C7: variants seen among roughly 807,000 people sequenced by gnomAD.
The protein encoded by C7 is complement component C7.
In C7, 83 loss-of-function variants were observed where a neutral mutation model predicts 104.8. The observed-to-expected ratio is 0.79, with a 90% CI of 0.66 to 0.95. C7 has a LOEUF of 0.95. Among genes scored for constraint, C7 ranks in the 40% least tolerant of loss-of-function variants. The pLI is 0.00. For missense variants in C7, 1,070 were observed against 1,011.2 expected, an observed-to-expected ratio of 1.06 and a Z score of -0.79; for synonymous variants, 415 against 360.6, an observed-to-expected ratio of 1.15 and a Z score of -1.71.
intron 2 of C7, among the ~76,000 whole-genome samples, chr5:40,930,241 T>A (rs931449663): frequency 2.0e-5 from 3 of 148,732 alleles, no homozygotes; most frequent in Non-Finnish European, 4.5e-5. Flanking sequence ...AGTCGCCCTC[T>A]GTCACCCAGG....
intron 2 of C7, among the ~76,000 whole-genome samples, chr5:40,930,393 A>G (rs1275559273): frequency 2.0e-5 from 3 of 151,424 alleles, no homozygotes; most frequent in African/African-American, 7.3e-5. Context: ...TTTAGTAGAG[A>G]CGGGGTTTCA....
chr5:40,917,758 T>C (rs1488910126), intron 1 of C7, among the ~76,000 whole-genome samples: 1 of 152,208 alleles, frequency 6.6e-6, no homozygotes, highest in African/African-American at 2.4e-5. Context: ...GCCTTCTCCA[T>C]GGTTCTTTCA....
At chr5:40,961,409 G>A (rs1162685807) in intron 12 of C7, among the ~76,000 whole-genome samples, 1 of 151,102 alleles carries the variant, frequency 6.6e-6, no homozygotes, top group Admixed American at 6.6e-5. Context: ...TTTTGAGATG[G>A]GGTCTCACTC....
At chr5:40,976,507 A>G (rs1740823174) in intron 15 of C7, among the ~76,000 whole-genome samples, 1 of 152,234 alleles carries the variant, frequency 6.6e-6, no homozygotes, top group African/African-American at 2.4e-5. Context: ...AAAGTGCATG[A>G]CAAATATAAA....
At chr5:40,935,086 T>G (rs1739784903) in intron 4 of C7, among the ~76,000 whole-genome samples, 1 of 152,210 alleles carries the variant, frequency 6.6e-6, no homozygotes, top group Non-Finnish European at 1.5e-5. Flanking sequence ...GAATAGTACA[T>G]AAATAATCCC....
intron 6 of C7, among the ~76,000 whole-genome samples, chr5:40,943,002 C>T (rs372068224): frequency 6.6e-6 from 1 of 152,044 alleles, no homozygotes; most frequent in East Asian, 1.9e-4. Context: ...GACCTTGTGA[C>T]CCGCCCACCT....
intron 13 of C7, among the ~76,000 whole-genome samples, chr5:40,963,613 G>T (rs2111679524): frequency 6.6e-6 from 1 of 152,230 alleles, no homozygotes; most frequent in South Asian, 2.1e-4. Flanking sequence ...GCTGGTCAAG[G>T]CCTGAGCTCC....
At chr5:40,976,078 T>G (rs10074026) in intron 15 of C7, among the ~76,000 whole-genome samples, 7,599 of 152,316 alleles carry the variant, frequency 0.05, 643 homozygotes, top group African/African-American at 0.17. Context: ...ATGACTGAAT[T>G]GTCAGTTTCT....
chr5:40,918,011 T>C (rs1198166797), intron 1 of C7, among the ~76,000 whole-genome samples: 1 of 152,200 alleles, frequency 6.6e-6, no homozygotes. Flanking sequence ...GTTGTGATTA[T>C]AAGATGTTCT....
At position 40,959,559 on chromosome 5, in the gene C7, T is replaced by A. The variant is rs769454744; in HGVS notation, c.1600T>A (p.Ser534Thr). The change falls in exon 12 of 18, where the codon TCC (serine) becomes ACC (threonine). Residue 534 changes from serine to threonine, a missense_variant. Coordinates refer to ENST00000313164, the MANE Select transcript of C7 (RefSeq NM_000587.4). ...NNPPPSGGGR[S>T]CVGETTESTQ... Reference sequence around the variant, plus strand: ...CCCACCTCCCAGTGGGGGTGGGAGATCCTGCGTTGGAGAAACGACAGAAAG... The same window carrying A: ...CCCACCTCCCAGTGGGGGTGGGAGAACCTGCGTTGGAGAAACGACAGAAAG... 5 of 1,610,546 alleles carry A rather than the reference T, an allele frequency of 3.1e-6. No individual in the cohort carries two copies. Among genetic ancestry groups the A allele is most frequent in the Non-Finnish European group, 3.4e-6 (4 of 1,178,918 alleles).
In C7 at chr5:40,961,990, G is replaced by T. The variant is rs934960677; in HGVS notation, c.1662-95G>T. On this transcript the variant is annotated intron_variant, in intron 12 of 17. Coordinates refer to ENST00000313164, the MANE Select transcript of C7 (RefSeq NM_000587.4). ...ACACCAATGTACTTAAATGAATGGA[G>T]TTCCTTCAGATACAAAGGAGAAATC... 1.3e-4 allele frequency: 69 copies of T among 530,910 alleles called. 1 individual carries two copies. The highest frequency in any genetic ancestry group is 1.2e-3 in the African/African-American group (61 of 51,900). 32.9% of individuals were successfully genotyped at this position (530,910 alleles called of 1,614,324 possible).
Position 40,945,297 on chromosome 5 carries a change from T to A in C7, c.667T>A (p.Ser223Thr), listed in dbSNP as rs749330231. 1.9e-6 allele frequency: 3 copies of A among 1,609,278 alleles called. No homozygotes were observed. Among genetic ancestry groups the A allele is most frequent in the Non-Finnish European group, 8.5e-7 (1 of 1,177,716 alleles). The change falls in exon 7 of 18, where the codon TCC (serine) becomes ACC (threonine). Residue 223 changes from serine to threonine, a missense_variant. Physicochemically the swap from Ser to Thr is moderately conservative, Grantham distance 58. Transcript: ENST00000313164. ...ACACACATCATCTAGTCGGAAGCGC[T>A]CCTTTTTTAGATCTTCATCATCTTC... is the stretch of plus-strand genomic sequence containing the variant. ...TEHTSSSRKR[S>T]FFRSSSSSSR...
intron 8 of C7, among the ~76,000 whole-genome samples, chr5:40,949,601 C>T (rs1033771166): frequency 3.3e-5 from 5 of 152,122 alleles, no homozygotes; most frequent in Admixed American, 2.0e-4. Context: ...TATCTTATGC[C>T]TAAGAAGCTG....
intron 16 of C7, among the ~76,000 whole-genome samples, chr5:40,978,688 C>A (rs1012778469): frequency 6.6e-6 from 1 of 152,000 alleles, no homozygotes; most frequent in Admixed American, 6.6e-5. Flanking sequence ...TGAATATAGA[C>A]TCTTTCTGAC....
rs188849291 is a variant in C7, at chr5:40,934,377, T to C, written c.191T>C (p.Val64Ala). The C allele has an allele frequency of 1.2e-5, 19 of 1,613,694 alleles. No homozygotes were observed. In the African/African-American group the frequency reaches 2.4e-4, roughly 20 times the overall value. ...GGGCAGTATGGAGGCCAGCCTTGTGTTGGAAATGCTTTTGAAACACAGTCC... is the reference window on the plus strand; with the variant it reads ...GGGCAGTATGGAGGCCAGCCTTGTGCTGGAAATGCTTTTGAAACACAGTCC... ...VYGQYGGQPC[V>A]GNAFETQSCE... Residue 64 changes from valine to alanine, a missense_variant, in exon 4 of 18, where the codon GTT becomes GCT. Val to Ala is a moderately conservative substitution (Grantham distance 64). Transcript: ENST00000313164.
At chr5:40,946,677 T>C (rs915249869) in intron 7 of C7, among the ~76,000 whole-genome samples, 2 of 152,174 alleles carry the variant, frequency 1.3e-5, no homozygotes, top group Non-Finnish European at 2.9e-5. Context: ...GGACACATTA[T>C]TTTATATACT....
chr5:40,914,558 T>G (rs1739280549), intron 1 of C7, among the ~76,000 whole-genome samples: 1 of 152,180 alleles, frequency 6.6e-6, no homozygotes, highest in African/African-American at 2.4e-5. Flanking sequence ...TCCAGAAGAG[T>G]TTTCCCTAGG....
At chr5:40,946,849 G>A (rs1579855774) in intron 7 of C7, among the ~76,000 whole-genome samples, 2 of 152,022 alleles carry the variant, frequency 1.3e-5, no homozygotes, top group East Asian at 3.9e-4. Context: ...CTTGAGGTCA[G>A]GAGTTCAAGA....
chr5:40,977,593 C>A (rs1393924529), intron 16 of C7, among the ~76,000 whole-genome samples: 1 of 152,120 alleles, frequency 6.6e-6, no homozygotes, highest in Non-Finnish European at 1.5e-5. Flanking sequence ...ATTTTAGGGA[C>A]TTCAGAGGTC....
Sources: gnomAD v4.1 joint callset for allele counts (sites outside exome capture counted in the v4.1 genomes callset) on GRCh38, gnomAD v4.1.1 for gene constraint, MANE v1.5 for transcripts, NCBI Gene and HGNC (gene_info 2026-07-23, HGNC 2026-07-21) for gene names.